Variants in ZFHX4 observed in about 807,000 individuals in gnomAD.
ZFHX4 encodes the protein zinc finger homeobox 4.
A neutral mutation model predicts 267.6 loss-of-function variants in ZFHX4; 56 were observed. The ratio of observed to expected loss-of-function variants is 0.21; its 90% confidence interval spans 0.17 to 0.26. ZFHX4 has a LOEUF of 0.26. Ranked by LOEUF, ZFHX4 falls within the 10% of genes least tolerant of loss-of-function variation. The pLI, the probability that ZFHX4 is intolerant of heterozygous loss-of-function variation, is 1.00. For missense variants in ZFHX4, 4,332 were observed against 4,420.0 expected (o/e 0.98, Z 0.56); for synonymous variants, 1,778 against 1,665.6 (o/e 1.07, Z -1.64).
rs770710918 is a variant in ZFHX4, at chr8:76,864,488, T to G, written c.10774T>G (p.Leu3592Val). The part of the protein sequence containing the change: ...SQKLEDLDNS[L>V]EVKAKPASGL... The stretch of plus-strand genomic sequence containing the variant: ...GAAGCTAGAAGACTTAGATAATTCT[T>G]TGGAAGTGAAGGCTAAGCCTGCTTC... Residue 3592 changes from leucine (L) to valine (V), a missense_variant, in exon 11 of 11, where the codon TTG becomes GTG. By Grantham distance (32) the Leu-to-Val change is conservative (BLOSUM62 1). Coordinates refer to ENST00000651372, the MANE Select transcript of ZFHX4 (RefSeq NM_024721.5). The G allele has an allele frequency of 6.2e-7, 1 of 1,613,452 alleles. No individual in the cohort carries two copies. The highest frequency in any genetic ancestry group is 1.3e-5 in the African/African-American group (1 of 74,870).
At chr8:76,742,285 A>C (rs1033748929) in intron 3 of ZFHX4, among the ~76,000 whole-genome samples, 3 of 152,152 alleles carry the variant, frequency 2.0e-5, no homozygotes, top group Non-Finnish European at 4.4e-5. Flanking sequence ...AATATACTGC[A>C]CTTCTATTTT....
At chr8:76,733,718 A>C (rs1585892614) in intron 3 of ZFHX4, among the ~76,000 whole-genome samples, 1 of 152,214 alleles carries the variant, frequency 6.6e-6, no homozygotes, top group South Asian at 2.1e-4. Flanking sequence ...TCTTCCATAA[A>C]TGGCCCTGAT....
chr8:76,761,509 C>T (rs779559741), intron 3 of ZFHX4, among the ~76,000 whole-genome samples: 30 of 152,058 alleles, frequency 2.0e-4, no homozygotes, highest in Non-Finnish European at 3.8e-4. Flanking sequence ...TTTTACTTCT[C>T]CTTTATTACA....
chr8:76,778,168 A>G (rs1438801139), intron 3 of ZFHX4, 40 bp from the exon 4 acceptor site: 2 of 1,352,754 alleles, frequency 1.5e-6, no homozygotes, highest in African/African-American at 2.9e-5. Context: ...TCCACCATGG[A>G]GCTAGACCAT....
chr8:76,723,405 T>G (rs1808773948), intron 3 of ZFHX4, among the ~76,000 whole-genome samples: 1 of 152,106 alleles, frequency 6.6e-6, no homozygotes, highest in African/African-American at 2.4e-5. Flanking sequence ...TATCTCATCT[T>G]AAATTACTGA....
chr8:76,835,803 A>G (rs1040158515), intron 5 of ZFHX4, among the ~76,000 whole-genome samples: 1 of 152,160 alleles, frequency 6.6e-6, no homozygotes, highest in African/African-American at 2.4e-5. Flanking sequence ...CTTCCTGTCA[A>G]TATATTTCTT....
rs532293828 is a variant in ZFHX4 at position 76,760,683 on chromosome 8, T to A, written c.3094-17525T>A. On this transcript the variant is annotated intron_variant, in intron 3 of 10. Coordinates refer to ENST00000651372, the MANE Select transcript of ZFHX4 (RefSeq NM_024721.5). The stretch of plus-strand genomic sequence containing the variant: ...TGGCTCACACCTGTAATCCCAGTAC[T>A]ATGGGAGGCCAGGGCCAGAGGATCA... 3.9e-5 allele frequency among the ~76,000 whole-genome samples: 6 copies of A among 152,158 alleles called. No homozygotes were observed. In the South Asian group the frequency reaches 1.2e-3, roughly 32 times the overall value.
chr8:76,811,920 G>A (rs763731712), intron 4 of ZFHX4, among the ~76,000 whole-genome samples: 3 of 151,888 alleles, frequency 2.0e-5, no homozygotes, highest in African/African-American at 4.8e-5. Flanking sequence ...GCGAAATTCC[G>A]TCTCAAAAAA....
Position 76,852,371 on chromosome 8 carries a change from A to G in ZFHX4, c.5450A>G (p.Gln1817Arg). ...CAGCTGCAGCCTCAAAAACAACAGC[A>G]GCAGCCACCACCTCCACAGCAGCAG... is the stretch of plus-strand genomic sequence containing the variant. ...QPQLQPQKQQQQPPPPQQQQQ... is the reference protein window; with the variant it reads ...QPQLQPQKQQRQPPPPQQQQQ... Residue 1817 changes from glutamine to arginine, a missense_variant, in exon 10 of 11, where the codon CAG becomes CGG. Coordinates refer to ENST00000651372, the MANE Select transcript of ZFHX4 (RefSeq NM_024721.5). 2.6e-6 allele frequency: 4 copies of G among 1,553,610 alleles called. No homozygotes were observed. The highest frequency in any genetic ancestry group is 1.7e-6 in the Non-Finnish European group (2 of 1,147,958).
intron 3 of ZFHX4, among the ~76,000 whole-genome samples, chr8:76,748,675 A>G (rs1157967248): frequency 6.6e-6 from 1 of 152,150 alleles, no homozygotes; most frequent in African/African-American, 2.4e-5. Context: ...GCCTCAAGTG[A>G]TCCTCCTGCC....
chr8:76,778,573 G>C, intron 4 of ZFHX4, 134 bp downstream of exon 4: 1 of 721,064 alleles, frequency 1.4e-6, no homozygotes, highest in Non-Finnish European at 2.4e-6. Flanking sequence ...AAACACGGCA[G>C]CTCTTAATCT....
At chr8:76,758,426 G>A (rs1210201681) in intron 3 of ZFHX4, among the ~76,000 whole-genome samples, 1 of 152,116 alleles carries the variant, frequency 6.6e-6, no homozygotes, top group East Asian at 1.9e-4. Context: ...CATAAGAACA[G>A]GTATTTTCCT....
intron 4 of ZFHX4, among the ~76,000 whole-genome samples, chr8:76,804,750 C>CA (rs5892565): frequency 0.99 from 150,876 of 152,082 alleles, 74,843 homozygotes; most frequent in East Asian, 1. Flanking sequence ...TTTATTTAAC[C>CA]ATCCACTGGG....
intron 3 of ZFHX4, among the ~76,000 whole-genome samples, chr8:76,708,413 G>A (rs554384533): frequency 6.6e-6 from 1 of 151,284 alleles, no homozygotes; most frequent in Non-Finnish European, 1.5e-5. Flanking sequence ...AATGGTTACA[G>A]GGAGCAGAAG....
chr8:76,860,108 T>G (rs1049299093), intron 10 of ZFHX4, among the ~76,000 whole-genome samples: 2 of 152,118 alleles, frequency 1.3e-5, no homozygotes, highest in Admixed American at 6.5e-5. Context: ...ACTCTACATC[T>G]CTATTGCTGT....
At chr8:76,816,780 G>A (rs1255617604) in intron 4 of ZFHX4, among the ~76,000 whole-genome samples, 1 of 151,926 alleles carries the variant, frequency 6.6e-6, no homozygotes, top group Non-Finnish European at 1.5e-5. Context: ...ATTTTTAGTA[G>A]AGACGTGGTT....
chr8:76,771,361 A>G (rs1474254625), intron 3 of ZFHX4, among the ~76,000 whole-genome samples: 1 of 152,198 alleles, frequency 6.6e-6, no homozygotes, highest in African/African-American at 2.4e-5. Flanking sequence ...AACAGTGCAC[A>G]ACATATAGCA....
intron 3 of ZFHX4, among the ~76,000 whole-genome samples, chr8:76,766,552 C>A (rs1810055734): frequency 6.6e-6 from 1 of 151,948 alleles, no homozygotes; most frequent in South Asian, 2.1e-4. Flanking sequence ...TGGCCTTGGG[C>A]TGCATGGGCT....
At chr8:76,698,272 T>A (rs996159660) in intron 1 of ZFHX4, among the ~76,000 whole-genome samples, 2 of 152,146 alleles carry the variant, frequency 1.3e-5, no homozygotes, top group African/African-American at 4.8e-5. Flanking sequence ...GCACACTGAT[T>A]ATAAAATTTT....
Sources: allele counts gnomAD v4.1 joint callset (sites outside exome capture counted in the v4.1 genomes callset), GRCh38; gene constraint gnomAD v4.1.1; transcripts MANE v1.5; gene names NCBI Gene and HGNC (gene_info 2026-07-23, HGNC 2026-07-21).